FN3KRP: variants seen among roughly 807,000 people sequenced by gnomAD.
The protein encoded by FN3KRP is fructosamine 3 kinase related protein.
Under a neutral mutation model 29.8 loss-of-function variants are expected in FN3KRP, and 33 were observed. That is an observed-to-expected ratio of 1.11 (90% confidence interval 0.84 to 1.48). FN3KRP has a LOEUF of 1.48. FN3KRP is among the 40% of genes most tolerant of loss of function. FN3KRP has a pLI of 0.00. For synonymous variants in FN3KRP, 157 were observed against 155.2 expected (o/e 1.01, Z -0.09); for missense variants, 430 against 402.6 (o/e 1.07, Z -0.58).
intron 4 of FN3KRP, among the ~76,000 whole-genome samples, chr17:82,723,511 GTGTGTGTGTGCATA>G (rs919827284): frequency 2.0e-5 from 3 of 152,054 alleles, no homozygotes; most frequent in African/African-American, 7.3e-5. Flanking sequence ...GTGTGTGCAT[GTGTGTGTGTGCATA>G]TGTGTATTTG....
Position 82,726,482 on chromosome 17 carries a change from G to A in FN3KRP, c.471G>A (p.Val157=). ...VVTCCGYLPQ[V]NDWQEDWVVF... ...GTGCTTTTGCTGTTACTGTGCAGGTGAATGACTGGCAGGAGGACTGGGTCG... is the reference window on the plus strand; with the variant it reads ...GTGCTTTTGCTGTTACTGTGCAGGTAAATGACTGGCAGGAGGACTGGGTCG... The change falls in exon 5 of 6, where the codon GTG becomes GTA. Residue 157 remains valine, a splice_region_variant and synonymous_variant. Coordinates refer to ENST00000269373, the MANE Select transcript of FN3KRP (RefSeq NM_024619.4). 6.2e-7 allele frequency: 1 copy of A among 1,613,628 alleles called. No individual in the cohort carries two copies. The highest frequency in any genetic ancestry group is 2.2e-5 in the East Asian group (1 of 44,872).
chr17:82,726,310 A>G (rs939808583), intron 4 of FN3KRP, among the ~76,000 whole-genome samples, 170 bp from the exon 5 acceptor site: 1 of 152,122 alleles, frequency 6.6e-6, no homozygotes, highest in East Asian at 1.9e-4. Context: ...CATGTCCATG[A>G]GACTCCGGTT....
intron 1 of FN3KRP, 53 bp from the exon 2 acceptor site, chr17:82,718,853 G>C: frequency 6.3e-7 from 1 of 1,591,380 alleles, no homozygotes; most frequent in Non-Finnish European, 8.6e-7. Context: ...AGAACCTTCC[G>C]GAAGTAACCT....
chr17:82,727,084 G>A lies in FN3KRP; in HGVS notation c.843G>A (p.Gln281=). Residue 281 remains glutamine (Q), a synonymous_variant, in exon 6 of 6, where the codon CAG becomes CAA. Transcript: ENST00000269373. ...TCGAGAAGCGCCTTCAGTTGTATCAGCTCTTTCACTACTTGAACCACTGGA... is the reference window on the plus strand; with the variant it reads ...TCGAGAAGCGCCTTCAGTTGTATCAACTCTTTCACTACTTGAACCACTGGA... The part of the protein sequence containing the change: ...PGFEKRLQLY[Q]LFHYLNHWNH... 6.2e-7 allele frequency: 1 copy of A among 1,614,166 alleles called. No homozygotes were observed. Among genetic ancestry groups the A allele is most frequent in the Non-Finnish European group, 8.5e-7 (1 of 1,180,042 alleles).
intron 4 of FN3KRP, among the ~76,000 whole-genome samples, chr17:82,723,581 G>A (rs1193138855): frequency 6.6e-6 from 1 of 152,014 alleles, no homozygotes; most frequent in Admixed American, 6.5e-5. Context: ...GTGCATGTGT[G>A]TGCATATGTG....
chr17:82,726,931 G>A lies in FN3KRP; in HGVS notation c.690G>A (p.Pro230=), dbSNP rs370444990. 14 of 1,612,798 alleles carry A rather than the reference G, an allele frequency of 8.7e-6. No homozygotes were observed. Among genetic ancestry groups the A allele is most frequent in the African/African-American group, 6.7e-5 (5 of 74,774 alleles). Residue 230 remains proline, a synonymous_variant, in exon 6 of 6, where the codon CCG becomes CCA. Transcript: ENST00000269373. ...GGNVAEDSSG[P]VIFDPASFYG... is the part of the protein sequence containing the mutation. ...ACGTAGCAGAGGATTCCTCTGGGCC[G>A]GTGATTTTTGACCCAGCTTCTTTCT...
chr17:82,721,706 G>A (rs922604712), intron 3 of FN3KRP, among the ~76,000 whole-genome samples: 2 of 151,714 alleles, frequency 1.3e-5, no homozygotes, highest in Admixed American at 6.6e-5. Flanking sequence ...GTTTCACCGT[G>A]TTAGCCGGGA....
At chr17:82,719,342 G>T (rs555296749) in intron 2 of FN3KRP, among the ~76,000 whole-genome samples, 4 of 152,366 alleles carry the variant, frequency 2.6e-5, no homozygotes, top group African/African-American at 9.6e-5. Context: ...ATTTTGAGGA[G>T]TGTAATGCAA....
intron 4 of FN3KRP, among the ~76,000 whole-genome samples, chr17:82,725,145 A>G (rs1158774821): frequency 6.6e-6 from 1 of 151,666 alleles, no homozygotes; most frequent in Non-Finnish European, 1.5e-5. Context: ...TTTAATTTTA[A>G]AAGATAGAGT....
At position 82,720,411 on chromosome 17, in the gene FN3KRP, TC is replaced by T. The variant is rs768921898; in HGVS notation, c.385+49del. The T allele has an allele frequency of 1.2e-3, 1,805 of 1,495,226 alleles. 2 individuals are homozygous for T. Among genetic ancestry groups the T allele is most frequent in the Non-Finnish European group, 1.4e-3 (1,498 of 1,083,498 alleles). 92.6% of individuals were successfully genotyped at this position (1,495,226 alleles called of 1,614,324 possible). On this transcript the variant is annotated intron_variant, in intron 3 of 5. Coordinates refer to ENST00000269373, the MANE Select transcript of FN3KRP (RefSeq NM_024619.4). The stretch of plus-strand genomic sequence containing the variant: ...GGTGCTCCCGCCTAGAGGAGGACGT[TC>T]AGCCGGTGTGGGCTCAGAGCGGGGG...
chr17:82,717,947 G>A (rs2046770135), intron 1 of FN3KRP, among the ~76,000 whole-genome samples: 1 of 152,132 alleles, frequency 6.6e-6, no homozygotes, highest in Non-Finnish European at 1.5e-5. Flanking sequence ...GTCTGTGTGT[G>A]TGTAAGGGTG....
Position 82,726,506 on chromosome 17 carries a change from C to G in FN3KRP, c.495C>G (p.Val165=). Residue 165 remains valine (V), a synonymous_variant, in exon 5 of 6, where the codon GTC becomes GTG. Coordinates refer to ENST00000269373, the MANE Select transcript of FN3KRP (RefSeq NM_024619.4). The part of the protein sequence containing the change: ...PQVNDWQEDW[V]VFYARQRIQP... Reference sequence around the variant, plus strand: ...TGAATGACTGGCAGGAGGACTGGGTCGTGTTCTATGCCCGGCAGCGCATTC... The same window carrying G: ...TGAATGACTGGCAGGAGGACTGGGTGGTGTTCTATGCCCGGCAGCGCATTC... 2 of 1,614,058 alleles carry G rather than the reference C, an allele frequency of 1.2e-6. No homozygotes were observed. The highest frequency in any genetic ancestry group is 8.5e-7 in the Non-Finnish European group (1 of 1,179,984).
chr17:82,718,834 C>T, intron 1 of FN3KRP, 72 bp from the exon 2 acceptor site: 2 of 1,531,702 alleles, frequency 1.3e-6, no homozygotes, highest in Non-Finnish European at 8.9e-7. Flanking sequence ...TAGAGGAAAA[C>T]ATATCTACAG....
intron 3 of FN3KRP, among the ~76,000 whole-genome samples, chr17:82,721,659 C>T (rs554959908): frequency 2.7e-5 from 4 of 150,254 alleles, no homozygotes; most frequent in African/African-American, 4.9e-5. Context: ...CCTGCCACCA[C>T]GCCTGGCTAA....
At chr17:82,717,219 T>G (rs2046763041) in intron 1 of FN3KRP, among the ~76,000 whole-genome samples, 1 of 152,058 alleles carries the variant, frequency 6.6e-6, no homozygotes, top group Non-Finnish European at 1.5e-5. Flanking sequence ...GCTGCTGCAG[T>G]CTTGCTCCCG....
At chr17:82,723,675 ATG>A (rs1253775696) in intron 4 of FN3KRP, among the ~76,000 whole-genome samples, 2 of 151,296 alleles carry the variant, frequency 1.3e-5, no homozygotes, top group Non-Finnish European at 1.5e-5. Flanking sequence ...GCGCACATGT[ATG>A]TGTGCAGGCG....
chr17:82,721,146 G>T (rs2046795666), intron 3 of FN3KRP, among the ~76,000 whole-genome samples: 1 of 152,148 alleles, frequency 6.6e-6, no homozygotes. Flanking sequence ...GGAGGGCAGT[G>T]GTGCAATCTT....
At chr17:82,717,888 GTA>G (rs1433668969) in intron 1 of FN3KRP, among the ~76,000 whole-genome samples, 2 of 152,030 alleles carry the variant, frequency 1.3e-5, no homozygotes, top group East Asian at 3.9e-4. Context: ...TGTGTACGTT[GTA>G]TGTGTGTATG....
intron 2 of FN3KRP, among the ~76,000 whole-genome samples, chr17:82,719,730 G>A (rs577530070): frequency 6.6e-6 from 1 of 152,226 alleles, no homozygotes; most frequent in East Asian, 1.9e-4. Context: ...ACTCTAGCCT[G>A]GGCAGTAGAG....
Sources: allele counts gnomAD v4.1 joint callset (sites outside exome capture counted in the v4.1 genomes callset), GRCh38; gene constraint gnomAD v4.1.1; transcripts MANE v1.5; gene names NCBI Gene and HGNC (gene_info 2026-07-23, HGNC 2026-07-21).